The following BEST4 variants were observed in gnomAD, a reference collection of about 807,000 sequenced individuals.
BEST4 encodes bestrophin-4.
Under a neutral mutation model 47.1 loss-of-function variants are expected in BEST4, and 36 were observed. That is an observed-to-expected ratio of 0.76 (90% CI 0.59 to 1.01). The LOEUF is 1.01. Among genes scored for constraint, BEST4 ranks in the 50% least tolerant of loss-of-function variants. The probability of loss-of-function intolerance (pLI) is 0.00; values close to 1 mark genes in which losing one functional copy is unlikely to be tolerated. For synonymous variants in BEST4, 250 were observed against 277.8 expected, an observed-to-expected ratio of 0.90 and a Z score of 1.00; for missense variants, 550 against 648.6, an observed-to-expected ratio of 0.85 and a Z score of 1.65.
chr1:44,790,629 G>A (rs1383752352), upstream of BEST4, among the ~76,000 whole-genome samples: 1 of 152,310 alleles, frequency 6.6e-6, no homozygotes. Flanking sequence ...TCTAGGTAAA[G>A]CTAGATTACA....
upstream of BEST4, among the ~76,000 whole-genome samples, chr1:44,789,016 G>A (rs1332471350): frequency 6.6e-6 from 1 of 152,128 alleles, no homozygotes; most frequent in African/African-American, 2.4e-5. Flanking sequence ...ACTTTGGGCA[G>A]CCTCAACGCA....
Position 44,784,127 on chromosome 1 carries a change from C to A in BEST4, c.*83G>T. On this transcript the variant is annotated 3_prime_UTR_variant, in exon 9 of 9. Coordinates refer to ENST00000372207, the MANE Select transcript of BEST4 (RefSeq NM_153274.3). This position sits in a 1 kb window ranked among gnomAD's most constrained non-coding sequence, Gnocchi z 6.2. Reference sequence around the variant, plus strand: ...TTCAAGGCACACAGGAAAAGCTGCTCTAATAGAGCTGGCTGGCAGGACCGG... The same window carrying A: ...TTCAAGGCACACAGGAAAAGCTGCTATAATAGAGCTGGCTGGCAGGACCGG... 1 of 1,290,660 alleles carries A rather than the reference C, an allele frequency of 7.7e-7. No individual in the cohort carries two copies. The highest frequency in any genetic ancestry group is 1.8e-5 in the South Asian group (1 of 54,062). 80.0% of individuals were successfully genotyped at this position (1,290,660 alleles called of 1,614,324 possible).
In BEST4 at chr1:44,785,102, G is replaced by A; in HGVS notation, c.912+6C>T. On this transcript the variant is annotated splice_donor_region_variant and intron_variant, in intron 6 of 8. Transcript: ENST00000372207. Reference sequence around the variant, plus strand: ...GCAGGCTGGCATGCCCATCTGCAGTGCCCACCTTGAGCCAGCCAGCATAGA... The same window carrying A: ...GCAGGCTGGCATGCCCATCTGCAGTACCCACCTTGAGCCAGCCAGCATAGA... 6.2e-7 allele frequency: 1 copy of A among 1,612,570 alleles called. No homozygotes were observed. The highest frequency in any genetic ancestry group is 8.5e-7 in the Non-Finnish European group (1 of 1,179,174).
At position 44,786,593 on chromosome 1, in the gene BEST4, C is replaced by T. The variant is rs1557613912; in HGVS notation, c.351G>A (p.Val117=). 2.6e-6 allele frequency: 4 copies of T among 1,550,880 alleles called. No individual in the cohort carries two copies. In the Admixed American group the frequency reaches 7.8e-5, roughly 30 times the overall value. The change falls in exon 3 of 9, where the codon GTG becomes GTA. Residue 117 remains valine, a synonymous_variant. Coordinates refer to ENST00000372207, the MANE Select transcript of BEST4 (RefSeq NM_153274.3). The surrounding 1 kb of genome is among the most constrained non-coding windows in gnomAD (Gnocchi z 4.9). ...MCVISASVHG[V]DQRGRLLRRT... Reference sequence around the variant, plus strand: ...GGCGCAGCAGGCGGCCCCGCTGGTCCACGCCGTGCACGCTAGCCGAGATGA... The same window carrying T: ...GGCGCAGCAGGCGGCCCCGCTGGTCTACGCCGTGCACGCTAGCCGAGATGA...
At position 44,787,605 on chromosome 1, in the gene BEST4, T is replaced by C; in HGVS notation, c.101A>G (p.Lys34Arg). 6.2e-7 allele frequency: 1 copy of C among 1,614,202 alleles called. No individual in the cohort carries two copies. The highest frequency in any genetic ancestry group is 8.5e-7 in the Non-Finnish European group (1 of 1,180,026). Residue 34 changes from lysine (K) to arginine (R), a missense_variant, in exon 1 of 9, where the codon AAG (lysine) becomes AGG (arginine). Around this residue, in one of 3 missense-constraint regions of BEST4, gnomAD observed 291 missense variants for 342.4 expected, o/e 0.85. Transcript: ENST00000372207. ...WRGSIYKLLY[K>R]EFLLFGALYA... ...CAAGGCCCCAAAGAGGAGGAATTCC[T>C]TGTAGAGGAGCTTGTAGATGCTTCC...
At position 44,785,614 on chromosome 1, in the gene BEST4, G is replaced by C. The variant is rs1651191008; in HGVS notation, c.699C>G (p.Pro233=). The part of the protein sequence containing the change: ...MLFHYDWISI[P]LVYTQVVTIA... ...AGGCAGTTACTTGGGTGTAGACGAG[G>C]GGGATGCTGATCCAGTCATAGTGGA... The change falls in exon 5 of 9, where the codon CCC becomes CCG. Residue 233 remains proline, a synonymous_variant. Coordinates refer to ENST00000372207, the MANE Select transcript of BEST4 (RefSeq NM_153274.3). 1.3e-6 allele frequency: 2 copies of C among 1,548,442 alleles called. No individual in the cohort carries two copies. The highest frequency in any genetic ancestry group is 2.4e-5 in the South Asian group (2 of 83,456).
chr1:44,787,786 C>G lies in BEST4; in HGVS notation c.-81G>C. 1.3e-6 allele frequency: 2 copies of G among 1,545,296 alleles called. No individual in the cohort carries two copies. The highest frequency in any genetic ancestry group is 1.8e-6 in the Non-Finnish European group (2 of 1,131,272). ...AGTTCTCCAGACAACCTCCCTTCCA[C>G]TCTGGTCTCACACACCCCAGCCTTC... On this transcript the variant is annotated 5_prime_UTR_variant, in exon 1 of 9. Coordinates refer to ENST00000372207, the MANE Select transcript of BEST4 (RefSeq NM_153274.3).
At chr1:44,787,235 C>G (rs533445258) in intron 2 of BEST4, 137 bp downstream of exon 2, 1 of 814,900 alleles carries the variant, frequency 1.2e-6, no homozygotes, top group East Asian at 2.5e-5. Flanking sequence ...CTCACCTCAG[C>G]CTCTCGAGTA....
In BEST4 at chr1:44,786,105, C is replaced by G. The variant is rs754596132; in HGVS notation, c.605G>C (p.Arg202Pro). The change falls in exon 4 of 9, where the codon CGT (arginine) becomes CCT (proline). Residue 202 changes from arginine (R) to proline (P), a missense_variant. By Grantham distance (103) the Arg-to-Pro change is moderately radical. Coordinates refer to ENST00000372207, the MANE Select transcript of BEST4 (RefSeq NM_153274.3). The surrounding 1 kb of genome is among the most constrained non-coding windows in gnomAD (Gnocchi z 4.9). ...AAQARRDGRI[R>P]DDIALCLLLE... The stretch of plus-strand genomic sequence containing the variant: ...AAGTAGACAGAGAGCGATATCGTCA[C>G]GTATTCGCCCGTCCCTCCGGGCCTG... 5 of 1,612,454 alleles carry G rather than the reference C, an allele frequency of 3.1e-6. No homozygotes were observed. Among genetic ancestry groups the G allele is most frequent in the Non-Finnish European group, 4.2e-6 (5 of 1,179,444 alleles).
At chr1:44,792,283 C>T (rs926071350), upstream of BEST4, among the ~76,000 whole-genome samples, 4 of 151,662 alleles carry the variant, frequency 2.6e-5, no homozygotes, top group African/African-American at 7.3e-5. Context: ...AAAAATTAGC[C>T]GGGCTTGGTG....
upstream of BEST4, among the ~76,000 whole-genome samples, chr1:44,789,565 G>T (rs1288632316): frequency 6.6e-6 from 1 of 152,022 alleles, no homozygotes; most frequent in South Asian, 2.1e-4. Context: ...GAGCATGGTG[G>T]CACATGCCTG....
upstream of BEST4, among the ~76,000 whole-genome samples, chr1:44,792,276 A>C (rs1047725660): frequency 4.0e-5 from 6 of 151,736 alleles, no homozygotes; most frequent in Non-Finnish European, 7.4e-5. Flanking sequence ...AAAATACAAA[A>C]ATTAGCCGGG....
At chr1:44,791,230 GTA>G (rs1374111580), upstream of BEST4, among the ~76,000 whole-genome samples, 2 of 107,728 alleles carry the variant, frequency 1.9e-5, no homozygotes, top group African/African-American at 6.5e-5. Context: ...GAGAGAGAGA[GTA>G]TGTGTGTGTG....
rs1255442473 is a variant in BEST4 at position 44,786,680 on chromosome 1, G to A, written c.264C>T (p.Leu88=). ...ACTGGGACCACCAGCGGTTCACCAC[G>A]AGAGTCACATAGAAACCTGCTTGGC... is the stretch of plus-strand genomic sequence containing the variant. ...LSFVLGFYVT[L]VVNRWWSQYT... is the part of the protein sequence containing the mutation. Residue 88 remains leucine (L), a synonymous_variant, in exon 3 of 9, where the codon CTC becomes CTT. Coordinates refer to ENST00000372207, the MANE Select transcript of BEST4 (RefSeq NM_153274.3). This position sits in a 1 kb window ranked among gnomAD's most constrained non-coding sequence, Gnocchi z 4.9. 2 of 1,550,956 alleles carry A rather than the reference G, an allele frequency of 1.3e-6. No homozygotes were observed. The highest frequency in any genetic ancestry group is 1.4e-5 in the African/African-American group (1 of 73,044).
At chr1:44,781,884 A>G (rs779315994), downstream of BEST4, among the ~76,000 whole-genome samples, 1 of 151,636 alleles carries the variant, frequency 6.6e-6, no homozygotes, top group African/African-American at 2.4e-5. Context: ...AAGTTTGGCC[A>G]GGCATTGTGG....
Position 44,786,689 on chromosome 1 carries a change from A to G in BEST4, c.255T>C (p.Tyr85=), listed in dbSNP as rs377279020. 30 of 1,549,478 alleles carry G rather than the reference A, an allele frequency of 1.9e-5. No homozygotes were observed. The highest frequency in any genetic ancestry group is 2.2e-5 in the Non-Finnish European group (25 of 1,145,442). ...ACCAGCGGTTCACCACGAGAGTCAC[A>G]TAGAAACCTGCTTGGCCGCCGTGAT... ...LIPLSFVLGF[Y]VTLVVNRWWS... The change falls in exon 3 of 9, where the codon TAT becomes TAC. Residue 85 remains tyrosine (Y), a synonymous_variant. Transcript: ENST00000372207. This position sits in a 1 kb window ranked among gnomAD's most constrained non-coding sequence, Gnocchi z 4.9.
At chr1:44,791,615 C>T (rs193276690), upstream of BEST4, among the ~76,000 whole-genome samples, 14 of 151,990 alleles carry the variant, frequency 9.2e-5, no homozygotes, top group African/African-American at 2.4e-4. Flanking sequence ...AGGAAGAGGG[C>T]GGTCCCCAGG....
intron 4 of BEST4, 142 bp from the exon 5 acceptor site, chr1:44,785,818 AGC>A: frequency 1.2e-6 from 1 of 836,544 alleles, no homozygotes; most frequent in Non-Finnish European, 1.8e-6. Context: ...CTTGAATCCC[AGC>A]TCTGCTAACT....
Position 44,786,412 on chromosome 1 carries a change from C to G in BEST4, c.481+51G>C. The G allele has an allele frequency of 6.9e-7, 1 of 1,454,998 alleles. No homozygotes were observed. Among genetic ancestry groups the G allele is most frequent in the Non-Finnish European group, 9.1e-7 (1 of 1,099,476 alleles). The allele number at this position is 1,454,998 out of a possible 1,614,324, so 90.1% of individuals were successfully genotyped here. A position where few individuals can be genotyped will look rare whatever the true frequency, so the allele number is the denominator to read the frequency against. ...CTCCCAGGACTCTCCCAGGCGCCAC[C>G]TGCATCCGGCTGTGGGCCGGACCCC... On this transcript the variant is annotated intron_variant, in intron 3 of 8. Coordinates refer to ENST00000372207, the MANE Select transcript of BEST4 (RefSeq NM_153274.3). The surrounding 1 kb of genome is among the most constrained non-coding windows in gnomAD (Gnocchi z 4.9).
Sources: gnomAD v4.1 joint callset for allele counts (sites outside exome capture counted in the v4.1 genomes callset) on GRCh38, gnomAD v4.1.1 for gene constraint, gnomAD v4.1.1 regional missense constraint, Gnocchi (gnomAD v3.1) non-coding constraint, MANE v1.5 for transcripts, NCBI Gene and HGNC (gene_info 2026-07-23, HGNC 2026-07-21) for gene names.